GRHL1: variants seen among roughly 807,000 people sequenced by gnomAD.
GRHL1 encodes the protein grainyhead-like protein 1 homolog.
Under a neutral mutation model 75.7 loss-of-function variants are expected in GRHL1, and 38 were observed. The ratio of observed to expected loss-of-function variants is 0.50; its 90% confidence interval spans 0.39 to 0.66. The LOEUF (loss-of-function observed/expected upper bound fraction) is 0.66. Ranked by LOEUF, GRHL1 falls within the 30% of genes least tolerant of loss-of-function variation. GRHL1 has a pLI of 0.00. For missense variants in GRHL1, 589 were observed against 767.5 expected (o/e 0.77, Z 2.75); for synonymous variants, 266 against 279.4 (o/e 0.95, Z 0.48).
chr2:9,974,868 G>A (rs1332973316), intron 8 of GRHL1, among the ~76,000 whole-genome samples: 1 of 152,220 alleles, frequency 6.6e-6, no homozygotes, highest in Non-Finnish European at 1.5e-5. Context: ...CCTGACCTCA[G>A]AGGAGATTAC....
intron 8 of GRHL1, among the ~76,000 whole-genome samples, chr2:9,977,591 G>A (rs1467131017): frequency 1.3e-5 from 2 of 152,178 alleles, no homozygotes; most frequent in African/African-American, 4.8e-5. Context: ...CAAAGTGCTG[G>A]GATTAACAGG....
intron 7 of GRHL1, 187 bp downstream of exon 7, chr2:9,964,533 T>C: frequency 1.9e-6 from 1 of 530,962 alleles, no homozygotes; most frequent in East Asian, 3.1e-5. Flanking sequence ...TCCCATGCAG[T>C]AATGGGACAT....
rs1421105853 is a variant in GRHL1, at chr2:10,000,758, C to T, written c.*51C>T. ...GAGTTCAGTGCAGGTGTTTCTAGAT[C>T]TTACGGTTTGGCAACTGCAGGTAAC... On this transcript the variant is annotated 3_prime_UTR_variant, in exon 16 of 16. Transcript: ENST00000324907. The T allele has an allele frequency of 2.8e-6, 3 of 1,064,344 alleles. No individual in the cohort carries two copies. The highest frequency in any genetic ancestry group is 4.3e-6 in the Non-Finnish European group (3 of 691,526). The allele number at this position is 1,064,344 out of a possible 1,614,324, so 65.9% of individuals were successfully genotyped here.
chr2:9,986,345 T>C, intron 9 of GRHL1, 63 bp downstream of exon 9: 1 of 1,189,440 alleles, frequency 8.4e-7, no homozygotes, highest in African/African-American at 1.6e-5. Context: ...AAGACCAGGG[T>C]CTCTTTAATA....
At chr2:9,989,097 G>A (rs1324649783) in intron 9 of GRHL1, among the ~76,000 whole-genome samples, 1 of 152,134 alleles carries the variant, frequency 6.6e-6, no homozygotes, top group Non-Finnish European at 1.5e-5. Flanking sequence ...GGACTGTTGT[G>A]TCAATGTTAC....
chr2:9,960,829 T>C (rs1667238767), intron 3 of GRHL1: 1 of 517,036 alleles, frequency 1.9e-6, no homozygotes, highest in Non-Finnish European at 3.4e-6. Flanking sequence ...GCCCTTAGTA[T>C]TTCGAATGAA....
At chr2:9,969,333 A>G (rs1460453319) in intron 8 of GRHL1, among the ~76,000 whole-genome samples, 1 of 152,192 alleles carries the variant, frequency 6.6e-6, no homozygotes, top group Non-Finnish European at 1.5e-5. Flanking sequence ...CCTGCCCAGC[A>G]CCCATAAAAA....
intron 9 of GRHL1, among the ~76,000 whole-genome samples, chr2:9,989,697 C>T (rs904508961): frequency 1.3e-5 from 2 of 152,106 alleles, no homozygotes. Context: ...TACAGGCATG[C>T]ATCACCACGC....
intron 8 of GRHL1, among the ~76,000 whole-genome samples, chr2:9,971,451 T>C (rs931670025): frequency 4.6e-5 from 7 of 152,162 alleles, no homozygotes; most frequent in African/African-American, 1.7e-4. Flanking sequence ...ACTGTTACTT[T>C]TAAAATGAAG....
chr2:9,981,870 A>C (rs1300794453), intron 8 of GRHL1, among the ~76,000 whole-genome samples: 1 of 152,236 alleles, frequency 6.6e-6, no homozygotes, highest in Admixed American at 6.5e-5. Flanking sequence ...ACATCACATC[A>C]TGCTTTGTCC....
At chr2:9,998,827 T>TATATACGTATATATATGTACAC (rs1669111085) in intron 14 of GRHL1, 138 bp from the exon 15 acceptor site, 3 of 71,360 alleles carry the variant, frequency 4.2e-5, no homozygotes, top group African/African-American at 3.3e-4. Context: ...TATGTACACA[T>TATATACGTATATATATGTACAC]ATATATATAC....
At position 9,993,201 on chromosome 2, in the gene GRHL1, T is replaced by C; in HGVS notation, c.1462-6T>C. ...TTTGAAAAGCAATCTATTCCTTTGG[T>C]CTTAGGTCCTTCCCATTGCCTCTGA... On this transcript the variant is annotated splice_region_variant and splice_polypyrimidine_tract_variant and intron_variant, in intron 11 of 15. Transcript: ENST00000324907. 9 of 1,601,834 alleles carry C rather than the reference T, an allele frequency of 5.6e-6. No individual in the cohort carries two copies. The highest frequency in any genetic ancestry group is 5.1e-6 in the Non-Finnish European group (6 of 1,168,754).
At chr2:9,993,053 A>G (rs1668712789) in intron 11 of GRHL1, among the ~76,000 whole-genome samples, 154 bp from the exon 12 acceptor site, 1 of 152,256 alleles carries the variant, frequency 6.6e-6, no homozygotes, top group South Asian at 2.1e-4. Flanking sequence ...AAGGAGTTCA[A>G]GACATCTGTA....
At chr2:9,958,897 A>T (rs779792271) in intron 3 of GRHL1, 41 bp downstream of exon 3, 2 of 1,600,216 alleles carry the variant, frequency 1.2e-6, no homozygotes, top group Non-Finnish European at 1.7e-6. Flanking sequence ...TGCAGGGGGA[A>T]ATGCCACGTT....
At chr2:9,974,545 A>T (rs998446302) in intron 8 of GRHL1, among the ~76,000 whole-genome samples, 7 of 145,988 alleles carry the variant, frequency 4.8e-5, no homozygotes, top group African/African-American at 1.9e-4. Flanking sequence ...GTGGGCCAGC[A>T]GGCACTCAGC....
intron 15 of GRHL1, among the ~76,000 whole-genome samples, chr2:10,000,085 GC>G (rs1669205667): frequency 6.6e-6 from 1 of 152,184 alleles, no homozygotes; most frequent in African/African-American, 2.4e-5. Context: ...CTGGGCTCAG[GC>G]CATCCTTTCA....
At chr2:9,999,228 C>T (rs1290739947) in intron 15 of GRHL1, among the ~76,000 whole-genome samples, 199 bp downstream of exon 15, 1 of 152,188 alleles carries the variant, frequency 6.6e-6, no homozygotes. Context: ...CAGAAGCAGC[C>T]AAAGAAACCT....
intron 5 of GRHL1, 53 bp from the exon 6 acceptor site, chr2:9,963,833 G>C (rs1336384767): frequency 7.7e-7 from 1 of 1,300,580 alleles, no homozygotes; most frequent in Non-Finnish European, 1.1e-6. Context: ...ATGATGTATA[G>C]CAAGCTTCCA....
At chr2:9,982,550 A>G (rs1668245859) in intron 8 of GRHL1, among the ~76,000 whole-genome samples, 2 of 152,224 alleles carry the variant, frequency 1.3e-5, no homozygotes. Context: ...TTGTACAGAC[A>G]GGATTCTGAA....
Sources: gnomAD v4.1 joint callset for allele counts (sites outside exome capture counted in the v4.1 genomes callset) on GRCh38, gnomAD v4.1.1 for gene constraint, MANE v1.5 for transcripts, NCBI Gene and HGNC (gene_info 2026-07-23, HGNC 2026-07-21) for gene names.